MALRD1: variants seen among roughly 807,000 people sequenced by gnomAD.
MALRD1 encodes the protein MAM and LDL-receptor class A domain-containing protein 1.
MALRD1 carries 247 observed loss-of-function variants against 242.1 expected under a neutral mutation model. That is an observed-to-expected ratio of 1.02 (90% CI 0.92 to 1.13). MALRD1 has a LOEUF of 1.13. MALRD1 is among the 50% of genes most tolerant of loss of function. MALRD1 has a pLI of 0.00. For synonymous variants in MALRD1, 995 were observed against 866.6 expected, an observed-to-expected ratio of 1.15 and a Z score of -2.60; for missense variants, 2,989 against 2,533.1, an observed-to-expected ratio of 1.18 and a Z score of -3.86.
intron 36 of MALRD1, among the ~76,000 whole-genome samples, chr10:19,644,302 C>G (rs554990250): frequency 3.9e-5 from 6 of 152,310 alleles, no homozygotes; most frequent in Non-Finnish European, 5.9e-5. Flanking sequence ...GTGGGATACT[C>G]TCTTCCTGAG....
At position 19,056,014 on chromosome 10, in the gene MALRD1, T is replaced by C. The variant is rs1030987508; in HGVS notation, c.199+6877T>C. On this transcript the variant is annotated intron_variant, in intron 1 of 39. Coordinates refer to ENST00000454679, the MANE Select transcript of MALRD1 (RefSeq NM_001142308.3). ...AAAATTAGAGTTAAAAAAGTGTTGCTTTATTTCTGGGCTTTCTAGCTTGTT... is the reference window on the plus strand; with the variant it reads ...AAAATTAGAGTTAAAAAAGTGTTGCCTTATTTCTGGGCTTTCTAGCTTGTT... Among the ~76,000 whole-genome samples the C allele has an allele frequency of 2.0e-5, 3 of 152,194 alleles. No individual in the cohort carries two copies. The East Asian group carries it at 5.8e-4, about 29-fold the overall frequency.
At chr10:19,657,905 T>A (rs1471821566) in intron 36 of MALRD1, among the ~76,000 whole-genome samples, 2 of 152,090 alleles carry the variant, frequency 1.3e-5, no homozygotes, top group East Asian at 3.9e-4. Flanking sequence ...CCCAGCACTT[T>A]GGGAGGCTGA....
At chr10:19,472,726 C>G (rs1296725995) in intron 29 of MALRD1, among the ~76,000 whole-genome samples, 1 of 151,738 alleles carries the variant, frequency 6.6e-6, no homozygotes, top group African/African-American at 2.4e-5. Flanking sequence ...TCCTTTGTAT[C>G]TCTGTGGTAA....
At chr10:19,202,436 G>A (rs1836579289) in intron 14 of MALRD1, among the ~76,000 whole-genome samples, 2 of 151,974 alleles carry the variant, frequency 1.3e-5, no homozygotes, top group Admixed American at 6.6e-5. Context: ...TGTAGAAGAG[G>A]CATTTTCAGG....
intron 1 of MALRD1, among the ~76,000 whole-genome samples, chr10:19,056,439 T>C (rs1193095215): frequency 6.6e-6 from 1 of 152,124 alleles, no homozygotes; most frequent in Non-Finnish European, 1.5e-5. Flanking sequence ...GTATTATACT[T>C]TATGTGTTGC....
At chr10:19,652,797 CA>C (rs1214518171) in intron 36 of MALRD1, among the ~76,000 whole-genome samples, 1 of 152,140 alleles carries the variant, frequency 6.6e-6, no homozygotes, top group Non-Finnish European at 1.5e-5. Context: ...CTGAGGTTTA[CA>C]GATTTAAATA....
In MALRD1 at chr10:19,205,100, G is replaced by C. The variant is rs1464041094; in HGVS notation, c.2413G>C (p.Ala805Pro). The C allele has an allele frequency of 1.3e-6, 2 of 1,550,572 alleles. No individual in the cohort carries two copies. Among genetic ancestry groups the C allele is most frequent in the Admixed American group, 2.0e-5 (1 of 50,976 alleles). Residue 805 changes from alanine to proline, a missense_variant, in exon 17 of 40, where the codon GCT (alanine) becomes CCT (proline). Coordinates refer to ENST00000454679, the MANE Select transcript of MALRD1 (RefSeq NM_001142308.3). ...VSLGIYDGVS[A>P]IDDIRFENCT... ...TCTGGGCATTTATGATGGGGTCTCA[G>C]CTATTGATGACATCCGATTTGAAAA...
intron 33 of MALRD1, among the ~76,000 whole-genome samples, chr10:19,586,968 G>T (rs1837451267): frequency 6.6e-6 from 1 of 152,214 alleles, no homozygotes. Flanking sequence ...CGCAGTATTT[G>T]GGTGGGAGTG....
intron 18 of MALRD1, among the ~76,000 whole-genome samples, chr10:19,239,142 T>A (rs1303729097): frequency 1.3e-5 from 2 of 151,610 alleles, no homozygotes; most frequent in Non-Finnish European, 2.9e-5. Context: ...CACGGCAACC[T>A]CCATCTCCCT....
intron 19 of MALRD1, among the ~76,000 whole-genome samples, chr10:19,264,675 G>T (rs748094591): frequency 1.8e-4 from 27 of 151,970 alleles, no homozygotes; most frequent in Non-Finnish European, 3.7e-4. Flanking sequence ...GGATGGTCTC[G>T]ATCTCCTGGC....
At chr10:19,609,944 T>G (rs1424390116) in intron 35 of MALRD1, among the ~76,000 whole-genome samples, 1 of 151,228 alleles carries the variant, frequency 6.6e-6, no homozygotes, top group Non-Finnish European at 1.5e-5. Flanking sequence ...TAAATATTGA[T>G]AATGGTGGTG....
At chr10:19,125,322 C>T (rs4333920) in intron 7 of MALRD1, among the ~76,000 whole-genome samples, 15,470 of 62,940 alleles carry the variant, frequency 0.25, 2,373 homozygotes, top group Admixed American at 0.4. Flanking sequence ...TCCTTCCTTC[C>T]TTCTTTCTTT....
intron 34 of MALRD1, among the ~76,000 whole-genome samples, chr10:19,606,629 A>G (rs1838642227): frequency 6.6e-6 from 1 of 152,132 alleles, no homozygotes; most frequent in Non-Finnish European, 1.5e-5. Context: ...CACACACATC[A>G]CAGTGCTAGA....
At chr10:19,309,607 GA>G (rs1842348932) in intron 21 of MALRD1, among the ~76,000 whole-genome samples, 1 of 151,542 alleles carries the variant, frequency 6.6e-6, no homozygotes, top group Admixed American at 6.6e-5. Flanking sequence ...GTGAACAGGT[GA>G]AAAGGTGGTG....
At chr10:19,076,868 G>A (rs1401916182) in intron 2 of MALRD1, among the ~76,000 whole-genome samples, 2 of 151,816 alleles carry the variant, frequency 1.3e-5, no homozygotes, top group East Asian at 3.9e-4. Context: ...CATTGAATTG[G>A]TAGATCAATT....
intron 18 of MALRD1, among the ~76,000 whole-genome samples, chr10:19,231,491 C>T (rs1273449540): frequency 6.6e-6 from 1 of 152,052 alleles, no homozygotes; most frequent in Non-Finnish European, 1.5e-5. Context: ...TGTAATTATC[C>T]CCACATGTCA....
intron 28 of MALRD1, among the ~76,000 whole-genome samples, chr10:19,447,744 C>G (rs200349659): frequency 1.4e-5 from 2 of 144,144 alleles, no homozygotes; most frequent in Non-Finnish European, 3.1e-5. Flanking sequence ...ATAGACCACC[C>G]TTTCCTTTAA....
intron 29 of MALRD1, among the ~76,000 whole-genome samples, chr10:19,480,362 A>G (rs1836940113): frequency 6.6e-6 from 1 of 152,204 alleles, no homozygotes; most frequent in South Asian, 2.1e-4. Flanking sequence ...GTTAAAATCA[A>G]GTGGGACTAC....
chr10:19,179,598 ACAGAGAGAGACCCTGTCTGCCACCCCCC>A (rs1835411103), intron 14 of MALRD1, among the ~76,000 whole-genome samples: 1 of 152,050 alleles, frequency 6.6e-6, no homozygotes, highest in South Asian at 2.1e-4. Flanking sequence ...AGCCTGGGTG[ACAGAGAGAGACCCTGTCTGCCACCCCCC>A]CATAAAAAAG....
Sources: allele counts gnomAD v4.1 joint callset (sites outside exome capture counted in the v4.1 genomes callset), GRCh38; gene constraint gnomAD v4.1.1; transcripts MANE v1.5; gene names NCBI Gene and HGNC (gene_info 2026-07-23, HGNC 2026-07-21).